CP: variants seen among roughly 807,000 people sequenced by gnomAD.
CP encodes ceruloplasmin, also known as caeruloplasmin.
CP carries 64 observed loss-of-function variants against 122.4 expected under a neutral mutation model. That is an observed-to-expected ratio of 0.52 (90% CI 0.43 to 0.64). The LOEUF is 0.64. CP is among the 30% of genes least tolerant of loss of function. The pLI, the probability that CP is intolerant of heterozygous loss-of-function variation, is 0.00. For synonymous variants in CP, 440 were observed against 436.4 expected, an observed-to-expected ratio of 1.01 and a Z score of -0.10; for missense variants, 1,167 against 1,284.4, an observed-to-expected ratio of 0.91 and a Z score of 1.40.
chr3:149,211,867 C>A (rs1421179602), intron 2 of CP, among the ~76,000 whole-genome samples: 1 of 152,198 alleles, frequency 6.6e-6, no homozygotes, highest in African/African-American at 2.4e-5. Context: ...AAGGACTGGG[C>A]TCTGGGAAAG....
downstream of CP, among the ~76,000 whole-genome samples, chr3:149,167,583 T>C (rs974250806): frequency 6.6e-5 from 10 of 152,228 alleles, no homozygotes; most frequent in Admixed American, 1.3e-4. Flanking sequence ...TAGTTCTTTT[T>C]TTTCTTCATT....
intron 14 of CP, 149 bp from the exon 15 acceptor site, chr3:149,179,811 G>A: frequency 1.6e-6 from 1 of 632,854 alleles, no homozygotes; most frequent in Non-Finnish European, 2.8e-6. Flanking sequence ...TAAAAATTGT[G>A]GTACTCAAGA....
At chr3:149,163,018 C>A in intron 5 of CP, 1 of 748,894 alleles carries the variant, frequency 1.3e-6, no homozygotes, top group Non-Finnish European at 2.2e-6. Context: ...GTTAAAAATA[C>A]ACTTAAAATT....
rs142139927 is a variant in CP at position 149,182,041 on chromosome 3, G to C, written c.2518C>G (p.Gln840Glu). The C allele has an allele frequency of 3.6e-5, 57 of 1,590,596 alleles. No individual in the cohort carries two copies. In the African/African-American group the frequency reaches 6.0e-4, roughly 17 times the overall value. Residue 840 changes from glutamine to glutamate, a missense_variant, in exon 14 of 19, where the codon CAA (glutamine) becomes GAA (glutamate). Around this residue, in one of 2 missense-constraint regions of CP, gnomAD observed 525 missense variants for 657.2 expected, o/e 0.80. Coordinates refer to ENST00000264613, the MANE Select transcript of CP (RefSeq NM_000096.4). The part of the protein sequence containing the change: ...RPYSIHAHGV[Q>E]TESSTVTPTL... ...GGAGTAACTGTAGAACTCTCTGTTT[G>C]TACCCCATGGGCATGTATTGAGTAG...
chr3:149,196,152 G>A (rs1191410901), intron 9 of CP, among the ~76,000 whole-genome samples: 1 of 152,170 alleles, frequency 6.6e-6, no homozygotes, highest in African/African-American at 2.4e-5. Flanking sequence ...ATTGTTGATT[G>A]TAGTGTTGTA....
chr3:149,199,610 T>A, intron 8 of CP, 102 bp downstream of exon 8: 3 of 1,371,588 alleles, frequency 2.2e-6, no homozygotes, highest in Non-Finnish European at 3.1e-6. Flanking sequence ...ATGAGCGGTT[T>A]CCTTGGGAGT....
chr3:149,217,859 T>C, intron 1 of CP: 1 of 440,892 alleles, frequency 2.3e-6, no homozygotes, highest in Non-Finnish European at 4.6e-6. Flanking sequence ...ATAGTAATTA[T>C]GATTACCGTA....
intron 5 of CP, among the ~76,000 whole-genome samples, chr3:149,163,249 G>A (rs1724065852): frequency 6.6e-6 from 1 of 152,190 alleles, no homozygotes; most frequent in Non-Finnish European, 1.5e-5. Flanking sequence ...GGTGGGAGAG[G>A]AACTGCAGAA....
Position 149,202,238 on chromosome 3 carries a change from G to A in CP, c.1212C>T (p.Asp404=). 1 of 1,614,162 alleles carries A rather than the reference G, an allele frequency of 6.2e-7. No individual in the cohort carries two copies. The highest frequency in any genetic ancestry group is 8.5e-7 in the Non-Finnish European group (1 of 1,180,018). The part of the protein sequence containing the change: ...TKENLTAPGS[D]SAVFFEQGTT... The stretch of plus-strand genomic sequence containing the variant: ...TACCTTGTTCAAAAAACACCGCTGA[G>A]TCACTGCAGGGGGAAAAAAGTGTTT... Residue 404 remains aspartate (D), a synonymous_variant, in exon 7 of 19, where the codon GAC becomes GAT. Transcript: ENST00000264613.
chr3:149,194,813 A>G (rs1726790268), intron 9 of CP, among the ~76,000 whole-genome samples: 2 of 152,176 alleles, frequency 1.3e-5, no homozygotes, highest in African/African-American at 4.8e-5. Flanking sequence ...CTGGATCTAG[A>G]TAAGTTTTTC....
chr3:149,201,842 G>A (rs1465470835), intron 7 of CP, among the ~76,000 whole-genome samples: 4 of 152,122 alleles, frequency 2.6e-5, no homozygotes, highest in Admixed American at 6.5e-5. Context: ...TGATCTGCCC[G>A]CCTCAGCCTC....
intron 16 of CP, 46 bp from the exon 17 acceptor site, chr3:149,178,025 A>G: frequency 1.3e-6 from 2 of 1,532,560 alleles, no homozygotes; most frequent in Non-Finnish European, 1.8e-6. Context: ...GATATTTTAA[A>G]CCAATAGCTA....
At position 149,186,637 on chromosome 3, in the gene CP, C is replaced by T. The variant is rs755243937; in HGVS notation, c.1960G>A (p.Asp654Asn). Reference sequence around the variant, plus strand: ...CCTGAAAAGTATATTCCATGTACATCGGCCTCATTTCCGGCGCTGAATAAG... The same window carrying T: ...CCTGAAAAGTATATTCCATGTACATTGGCCTCATTTCCGGCGCTGAATAAG... Reference protein sequence around the residue: ...WYLFSAGNEADVHGIYFSGNT... With the variant: ...WYLFSAGNEANVHGIYFSGNT... Residue 654 changes from aspartate to asparagine, a missense_variant, in exon 11 of 19, where the codon GAT becomes AAT. By Grantham distance (23) the Asp-to-Asn change is conservative (BLOSUM62 1). Coordinates refer to ENST00000264613, the MANE Select transcript of CP (RefSeq NM_000096.4). 3.5e-5 allele frequency: 57 copies of T among 1,614,006 alleles called. No homozygotes were observed. The highest frequency in any genetic ancestry group is 4.5e-5 in the Non-Finnish European group (53 of 1,180,006).
chr3:149,210,784 C>A (rs1364327632), intron 2 of CP, among the ~76,000 whole-genome samples: 1 of 152,120 alleles, frequency 6.6e-6, no homozygotes, highest in East Asian at 1.9e-4. Context: ...TTTCCAAACA[C>A]ACACAAAGGT....
At chr3:149,171,060 A>G (rs761671206), downstream of CP, among the ~76,000 whole-genome samples, 2 of 152,154 alleles carry the variant, frequency 1.3e-5, no homozygotes, top group African/African-American at 2.4e-5. Context: ...CAGGCGGATC[A>G]TGAGGTCAAG....
intron 7 of CP, among the ~76,000 whole-genome samples, chr3:149,201,544 GA>G (rs1454355707): frequency 6.6e-6 from 1 of 151,942 alleles, no homozygotes; most frequent in Non-Finnish European, 1.5e-5. Context: ...CCTCTTTGAA[GA>G]AAAAAATAAC....
chr3:149,173,025 A>C lies in CP; in HGVS notation c.*689T>G, dbSNP rs946188393. The C allele has an allele frequency of 2.6e-5, 4 of 152,562 alleles. No homozygotes were observed. The highest frequency in any genetic ancestry group is 9.6e-5 in the African/African-American group (4 of 41,454). The allele number at this position is 152,562 out of a possible 1,614,324, so 9.5% of individuals were successfully genotyped here. On this transcript the variant is annotated 3_prime_UTR_variant, in exon 19 of 19. Transcript: ENST00000264613. ...TTTAGTTCAAGTTTAGTTCATTGATATTATCCTCTGAATGCAGTTAAGGCT... is the reference window on the plus strand; with the variant it reads ...TTTAGTTCAAGTTTAGTTCATTGATCTTATCCTCTGAATGCAGTTAAGGCT...
At chr3:149,164,775 G>C (rs1338400505) in intron 5 of CP, among the ~76,000 whole-genome samples, 1 of 152,156 alleles carries the variant, frequency 6.6e-6, no homozygotes, top group Admixed American at 6.6e-5. Flanking sequence ...TGCTCACACT[G>C]TCCTCCCGCA....
intron 11 of CP, 43 bp downstream of exon 11, chr3:149,186,477 A>G (rs747932526): frequency 4.2e-5 from 67 of 1,583,646 alleles, no homozygotes; most frequent in Non-Finnish European, 5.4e-5. Flanking sequence ...AACCAAAACT[A>G]CACAAATCCA....
Sources: gnomAD v4.1 joint callset for allele counts (sites outside exome capture counted in the v4.1 genomes callset) on GRCh38, gnomAD v4.1.1 for gene constraint, gnomAD v4.1.1 regional missense constraint, MANE v1.5 for transcripts, NCBI Gene and HGNC (gene_info 2026-07-23, HGNC 2026-07-21) for gene names.